The following KCTD3 variants were observed in gnomAD, a reference collection of about 807,000 sequenced individuals.
KCTD3 encodes the protein BTB/POZ domain-containing protein KCTD3.
A neutral mutation model predicts 85.8 loss-of-function variants in KCTD3; 41 were observed. The observed-to-expected ratio is 0.48, with a 90% CI of 0.37 to 0.62. The LOEUF is 0.62. Ranked by LOEUF, KCTD3 falls within the 20% of genes least tolerant of loss-of-function variation. KCTD3 has a pLI of 0.00. For missense variants in KCTD3, 724 were observed against 989.9 expected, an observed-to-expected ratio of 0.73 and a Z score of 3.60; for synonymous variants, 338 against 345.4, an observed-to-expected ratio of 0.98 and a Z score of 0.24.
chr1:215,595,596 A>G (rs1271166401), intron 10 of KCTD3, 125 bp downstream of exon 10: 3 of 598,238 alleles, frequency 5.0e-6, no homozygotes, highest in East Asian at 5.4e-5. Flanking sequence ...GAATAAATGT[A>G]GTGGTAAATT....
In KCTD3 at chr1:215,567,432, C is replaced by A; in HGVS notation, c.-254C>A. ...GCACGGAGAAGAGGCCCGGGCGGCC[C>A]GGCGGCCTGGAGGCCGCGAAAGGTG... is the stretch of plus-strand genomic sequence containing the variant. On this transcript the variant is annotated 5_prime_UTR_variant, in exon 1 of 18. Coordinates refer to ENST00000259154, the MANE Select transcript of KCTD3 (RefSeq NM_016121.5). The A allele has an allele frequency of 4.3e-6, 1 of 233,768 alleles. No homozygotes were observed. The allele number at this position is 233,768 out of a possible 1,614,324, so 14.5% of individuals were successfully genotyped here.
chr1:215,608,215 CTG>C (rs1257740480), intron 14 of KCTD3, 43 bp downstream of exon 14: 1 of 1,431,896 alleles, frequency 7.0e-7, no homozygotes, highest in South Asian at 1.4e-5. Flanking sequence ...ACTATATTAA[CTG>C]TTCAGAAGAA....
At chr1:215,617,060 A>G (rs971583878) in intron 15 of KCTD3, among the ~76,000 whole-genome samples, 1 of 152,216 alleles carries the variant, frequency 6.6e-6, no homozygotes, top group African/African-American at 2.4e-5. Context: ...TTATAAAATA[A>G]TAATAATAAA....
intron 15 of KCTD3, among the ~76,000 whole-genome samples, chr1:215,613,791 A>G (rs1385830490): frequency 1.3e-5 from 2 of 151,984 alleles, no homozygotes; most frequent in East Asian, 3.9e-4. Context: ...AGCTTTGTTG[A>G]AGATCAGGTG....
At chr1:215,619,693 A>G (rs1655589494) in intron 17 of KCTD3, among the ~76,000 whole-genome samples, 1 of 152,292 alleles carries the variant, frequency 6.6e-6, no homozygotes, top group Admixed American at 6.5e-5. Flanking sequence ...TAATTTTAAT[A>G]CAAAGTTCCA....
At chr1:215,601,167 C>T (rs1426918020) in intron 10 of KCTD3, among the ~76,000 whole-genome samples, 3 of 142,528 alleles carry the variant, frequency 2.1e-5, no homozygotes, top group Non-Finnish European at 4.4e-5. Context: ...GAATTCCTGA[C>T]CTCTGGTGAT....
At chr1:215,583,613 C>T (rs547444346) in intron 8 of KCTD3, among the ~76,000 whole-genome samples, 10 of 152,214 alleles carry the variant, frequency 6.6e-5, no homozygotes, top group Admixed American at 5.2e-4. Flanking sequence ...CAGGTCTCAG[C>T]CTTATTTTAC....
intron 9 of KCTD3, among the ~76,000 whole-genome samples, chr1:215,593,930 G>A (rs1660314857): frequency 1.3e-5 from 2 of 148,666 alleles, no homozygotes; most frequent in Admixed American, 1.4e-4. Context: ...GTATGGTCTC[G>A]GCTCACTGTA....
intron 10 of KCTD3, among the ~76,000 whole-genome samples, chr1:215,601,128 G>C (rs1265306612): frequency 1.4e-5 from 2 of 144,290 alleles, no homozygotes; most frequent in Non-Finnish European, 3.0e-5. Context: ...GTAGAGACAG[G>C]GTTTCACCGT....
chr1:215,619,333 T>C, intron 17 of KCTD3, 42 bp downstream of exon 17: 1 of 1,516,370 alleles, frequency 6.6e-7, no homozygotes, highest in Non-Finnish European at 9.1e-7. Context: ...ATTTATTTCT[T>C]TTGGGGAAAT....
In KCTD3 at chr1:215,573,752, C is replaced by T. The variant is rs781614010; in HGVS notation, c.84-34C>T. 4.6e-6 allele frequency: 6 copies of T among 1,299,190 alleles called. No individual in the cohort carries two copies. The South Asian group carries it at 7.8e-5, about 17-fold the overall frequency. The allele number at this position is 1,299,190 out of a possible 1,614,324, so 80.5% of individuals were successfully genotyped here. ...TAATACTGAAATTTCAAATCATGTT[C>T]TCACTTATAATACCAGATGATTTTT... On this transcript the variant is annotated intron_variant, in intron 1 of 17. Coordinates refer to ENST00000259154, the MANE Select transcript of KCTD3 (RefSeq NM_016121.5).
intron 13 of KCTD3, 108 bp from the exon 14 acceptor site, chr1:215,607,909 C>A (rs1164182091): frequency 2.8e-6 from 2 of 710,072 alleles, no homozygotes; most frequent in Non-Finnish European, 4.2e-6. Context: ...ATAAATATGT[C>A]ATTTGCCACT....
At chr1:215,576,660 C>T (rs929530142) in intron 4 of KCTD3, among the ~76,000 whole-genome samples, 5 of 151,840 alleles carry the variant, frequency 3.3e-5, no homozygotes, top group South Asian at 4.2e-4. Flanking sequence ...CTCCACCTCC[C>T]GGGTTCACGC....
In KCTD3 at chr1:215,567,736, C is replaced by G; in HGVS notation, c.51C>G (p.Gly17=). ...TCCCCGCGGCGGCGGCCGGCAGCGG[C>G]GAGATCGTCCAACTGAACGTAGGGG... The part of the protein sequence containing the change: ...GSFPAAAAGS[G]EIVQLNVGGT... Residue 17 remains glycine, a synonymous_variant, in exon 1 of 18, where the codon GGC becomes GGG. Coordinates refer to ENST00000259154, the MANE Select transcript of KCTD3 (RefSeq NM_016121.5). 2.4e-6 allele frequency: 3 copies of G among 1,244,220 alleles called. No homozygotes were observed. The South Asian group carries it at 1.2e-4, about 51-fold the overall frequency. The allele number at this position is 1,244,220 out of a possible 1,614,324, so 77.1% of individuals were successfully genotyped here.
intron 3 of KCTD3, among the ~76,000 whole-genome samples, chr1:215,575,644 AT>A (rs1043892709): frequency 3.3e-5 from 5 of 152,180 alleles, no homozygotes; most frequent in African/African-American, 9.7e-5. Context: ...ATTAGACAAG[AT>A]TTTTTCTATG....
At chr1:215,572,069 G>T (rs1659390636) in intron 1 of KCTD3, among the ~76,000 whole-genome samples, 3 of 152,206 alleles carry the variant, frequency 2.0e-5, no homozygotes, top group South Asian at 4.1e-4. Flanking sequence ...ACTGCTAAAT[G>T]ATTTAAGTGG....
chr1:215,605,537 A>G (rs1045320548), intron 13 of KCTD3, among the ~76,000 whole-genome samples: 1 of 152,108 alleles, frequency 6.6e-6, no homozygotes, highest in Non-Finnish European at 1.5e-5. Context: ...ATTATATGTC[A>G]GTGGTTCCCA....
At chr1:215,604,373 C>T in intron 13 of KCTD3, 71 bp downstream of exon 13, 1 of 1,223,630 alleles carries the variant, frequency 8.2e-7, no homozygotes, top group East Asian at 2.3e-5. Context: ...AATGAAAACG[C>T]AGTGTTTATG....
Position 215,602,128 on chromosome 1 carries a change from T to C in KCTD3, c.1065T>C (p.Leu355=), listed in dbSNP as rs182343712. 1.9e-6 allele frequency: 3 copies of C among 1,611,360 alleles called. No individual in the cohort carries two copies. Among genetic ancestry groups the C allele is most frequent in the African/African-American group, 2.7e-5 (2 of 75,004 alleles). The change falls in exon 12 of 18, where the codon CTT becomes CTC. Residue 355 remains leucine (L), a synonymous_variant. Transcript: ENST00000259154. ...FPLRMKDNDL[L]VTELYHDPSN... Reference sequence around the variant, plus strand: ...TGCGAATGAAAGATAATGATCTTCTTGTAACTGAACTGTATCATGATCCTT... The same window carrying C: ...TGCGAATGAAAGATAATGATCTTCTCGTAACTGAACTGTATCATGATCCTT...
Sources: allele counts gnomAD v4.1 joint callset (sites outside exome capture counted in the v4.1 genomes callset), GRCh38; gene constraint gnomAD v4.1.1; transcripts MANE v1.5; gene names NCBI Gene and HGNC (gene_info 2026-07-23, HGNC 2026-07-21).